Variants in KAZN observed in about 807,000 individuals in gnomAD.
KAZN encodes the protein kazrin, periplakin interacting protein.
Under a neutral mutation model 87.4 loss-of-function variants are expected in KAZN, and 40 were observed. The observed-to-expected ratio is 0.46, with a 90% CI of 0.36 to 0.60. KAZN has a LOEUF of 0.60. Ranked by LOEUF, KAZN falls within the 20% of genes least tolerant of loss-of-function variation. KAZN has a pLI of 0.00. For missense variants in KAZN, 898 were observed against 1,073.9 expected (o/e 0.84, Z 2.29); for synonymous variants, 466 against 458.3 (o/e 1.02, Z -0.22).
chr1:14,071,545 C>T (rs978474164), intron 1 of KAZN, among the ~76,000 whole-genome samples: 6 of 151,328 alleles, frequency 4.0e-5, no homozygotes, highest in Non-Finnish European at 8.8e-5. Context: ...GAGAGGATAC[C>T]CTCCTGCTTC....
intron 1 of KAZN, among the ~76,000 whole-genome samples, chr1:14,678,089 G>T (rs1228505306): frequency 2.0e-5 from 3 of 152,156 alleles, no homozygotes; most frequent in Non-Finnish European, 4.4e-5. Context: ...GTGTCGACTG[G>T]ATTGGACTGA....
intron 2 of KAZN, among the ~76,000 whole-genome samples, chr1:14,460,817 G>T (rs1307196412): frequency 6.6e-6 from 1 of 152,186 alleles, no homozygotes; most frequent in Non-Finnish European, 1.5e-5. Flanking sequence ...GAGCATTTTA[G>T]CAAGTGTGAT....
chr1:15,003,311 C>T (rs750903697), intron 2 of KAZN, among the ~76,000 whole-genome samples: 1 of 152,198 alleles, frequency 6.6e-6, no homozygotes, highest in African/African-American at 2.4e-5. Flanking sequence ...ATCTCTATTG[C>T]TCCAGTTGGC....
intron 1 of KAZN, among the ~76,000 whole-genome samples, chr1:14,176,091 G>A (rs1646069022): frequency 6.6e-6 from 1 of 152,170 alleles, no homozygotes; most frequent in African/African-American, 2.4e-5. Flanking sequence ...TAGATCTGGA[G>A]CACCTATTTC....
At chr1:14,806,114 G>T (rs537425168) in intron 1 of KAZN, among the ~76,000 whole-genome samples, 1 of 152,176 alleles carries the variant, frequency 6.6e-6, no homozygotes, top group Non-Finnish European at 1.5e-5. Flanking sequence ...TTCCACCAGG[G>T]CCCTGGGACC....
intron 7 of KAZN, among the ~76,000 whole-genome samples, chr1:15,064,314 C>A (rs1184996535): frequency 1.3e-5 from 2 of 152,150 alleles, no homozygotes; most frequent in Non-Finnish European, 2.9e-5. Context: ...GGTTCAAATG[C>A]AGATTCCTGG....
intron 1 of KAZN, among the ~76,000 whole-genome samples, chr1:14,664,031 G>A (rs867319074): frequency 1.7e-4 from 26 of 152,200 alleles, no homozygotes; most frequent in African/African-American, 6.0e-4. Flanking sequence ...CAGATGGGTC[G>A]ACCTTAGGGA....
intron 2 of KAZN, among the ~76,000 whole-genome samples, chr1:14,512,581 A>G (rs1210024785): frequency 2.0e-5 from 3 of 151,724 alleles, no homozygotes; most frequent in African/African-American, 7.3e-5. Flanking sequence ...AGCACCAACT[A>G]GCTCCAATTC....
At chr1:14,197,546 G>A (rs555570460) in intron 2 of KAZN, among the ~76,000 whole-genome samples, 1 of 152,058 alleles carries the variant, frequency 6.6e-6, no homozygotes, top group Non-Finnish European at 1.5e-5. Context: ...AAATTAGCCA[G>A]GCGTGGTGGC....
At chr1:14,841,918 T>C (rs769667499) in intron 1 of KAZN, among the ~76,000 whole-genome samples, 1 of 152,200 alleles carries the variant, frequency 6.6e-6, no homozygotes, top group Non-Finnish European at 1.5e-5. Context: ...CCAGGCTAGC[T>C]GTGCTCCTGC....
chr1:14,161,622 G>A (rs911669289), intron 1 of KAZN, among the ~76,000 whole-genome samples: 1 of 152,174 alleles, frequency 6.6e-6, no homozygotes, highest in Non-Finnish European at 1.5e-5. Context: ...ATATCTTGTT[G>A]GTTACACAGG....
At chr1:14,217,342 A>C (rs1053227118) in intron 2 of KAZN, among the ~76,000 whole-genome samples, 1 of 152,158 alleles carries the variant, frequency 6.6e-6, no homozygotes, top group Non-Finnish European at 1.5e-5. Context: ...CTTCACAAAA[A>C]ATTTAAAAAT....
At chr1:13,936,810 A>G (rs181397379) in intron 1 of KAZN, among the ~76,000 whole-genome samples, 233 of 152,292 alleles carry the variant, frequency 1.5e-3, no homozygotes, top group African/African-American at 4.9e-3. Context: ...GGCTGTGATG[A>G]ACGTACTAGT....
chr1:14,873,023 G>GAT (rs58638356), intron 1 of KAZN, among the ~76,000 whole-genome samples: 1 of 151,260 alleles, frequency 6.6e-6, no homozygotes, highest in African/African-American at 2.4e-5. Context: ...TGGATGGATG[G>GAT]GTGGGTGGAT....
chr1:14,136,019 G>A (rs1645102005), intron 1 of KAZN, among the ~76,000 whole-genome samples: 1 of 152,132 alleles, frequency 6.6e-6, no homozygotes, highest in African/African-American at 2.4e-5. Context: ...TGGCTCCCAA[G>A]CAGTGATTTG....
At position 15,101,707 on chromosome 1, in the gene KAZN, A is replaced by G. The variant is rs1356541554; in HGVS notation, c.1712A>G (p.Lys571Arg). Residue 571 changes from lysine (K) to arginine (R), a missense_variant, in exon 11 of 15, where the codon AAG (lysine) becomes AGG (arginine). By Grantham distance (26) the Lys-to-Arg change is conservative. Around this residue, in one of 3 missense-constraint regions of KAZN, gnomAD observed 521 missense variants for 689.4 expected, o/e 0.76. Coordinates refer to ENST00000376030, the MANE Select transcript of KAZN (RefSeq NM_201628.3). ...CTGGAGAAGCACCTGAACGTGTCCA[A>G]GAAGTTCCACCAGGTCAGCATCCTG... ...RDLEKHLNVS[K>R]KFHQVSILLG... is the part of the protein sequence containing the mutation. 2.5e-6 allele frequency: 4 copies of G among 1,596,132 alleles called. No homozygotes were observed. Among genetic ancestry groups the G allele is most frequent in the Admixed American group, 3.5e-5 (2 of 57,912 alleles).
chr1:14,411,143 G>A (rs757334531), intron 2 of KAZN, among the ~76,000 whole-genome samples: 2 of 152,132 alleles, frequency 1.3e-5, no homozygotes, highest in South Asian at 2.1e-4. Context: ...GAAAGCAACC[G>A]GAAAAGGTAC....
chr1:14,387,831 G>A (rs10429934), intron 2 of KAZN, among the ~76,000 whole-genome samples: 45,403 of 151,830 alleles, frequency 0.3, 7,772 homozygotes, highest in African/African-American at 0.47. Flanking sequence ...TTGAGCTGTG[G>A]TGGGCTCCAC....
intron 1 of KAZN, among the ~76,000 whole-genome samples, chr1:14,178,590 G>A (rs1278536987): frequency 6.6e-6 from 1 of 152,042 alleles, no homozygotes; most frequent in Non-Finnish European, 1.5e-5. Context: ...TTACAACCTT[G>A]AACAAGCAAA....
Sources: gnomAD v4.1 joint callset for allele counts (sites outside exome capture counted in the v4.1 genomes callset) on GRCh38, gnomAD v4.1.1 for gene constraint, gnomAD v4.1.1 regional missense constraint, MANE v1.5 for transcripts, NCBI Gene and HGNC (gene_info 2026-07-23, HGNC 2026-07-21) for gene names.